Variants in LOC127898562 observed in about 807,000 individuals in gnomAD.
At chr13:77,326,918 G>A in the LOC127898562 span, 1 of 708,950 alleles carries the variant, frequency 1.4e-6, no homozygotes, top group Non-Finnish European at 2.0e-6. The surrounding 1 kb of genome is among the most constrained non-coding windows in gnomAD (Gnocchi z 4.2). Flanking sequence ...CAAAGACAGC[G>A]ACCTCCTTCT....
Sources: allele counts gnomAD v4.1 joint callset, GRCh38; gene constraint gnomAD v4.1.1; non-coding constraint Gnocchi (gnomAD v3.1); transcripts MANE v1.5.